The following DPP6 variants were observed in gnomAD, a reference collection of about 807,000 sequenced individuals.
DPP6 encodes the protein A-type potassium channel modulatory protein DPP6.
DPP6 carries 69 observed loss-of-function variants against 122.6 expected under a neutral mutation model. The observed-to-expected ratio is 0.56, with a 90% CI of 0.46 to 0.69. The LOEUF (loss-of-function observed/expected upper bound fraction) is 0.69, where lower values mean the gene tolerates loss of function less well. DPP6 is among the 30% of genes least tolerant of loss of function. The probability of loss-of-function intolerance (pLI) is 0.00; values close to 1 mark genes in which losing one functional copy is unlikely to be tolerated. For missense variants in DPP6, 928 were observed against 1,116.9 expected (o/e 0.83, Z 2.41); for synonymous variants, 418 against 433.1 (o/e 0.97, Z 0.43).
chr7:154,615,817 C>T (rs926373920), intron 5 of DPP6, among the ~76,000 whole-genome samples: 2 of 152,186 alleles, frequency 1.3e-5, no homozygotes, highest in Non-Finnish European at 2.9e-5. Flanking sequence ...GTGTAACCAT[C>T]ACCACTATCT....
chr7:154,835,588 G>A (rs1333718398), intron 16 of DPP6, among the ~76,000 whole-genome samples: 1 of 152,112 alleles, frequency 6.6e-6, no homozygotes, highest in Non-Finnish European at 1.5e-5. Flanking sequence ...AAGTGTTTTG[G>A]TGGCTGGATT....
chr7:154,880,741 T>A (rs1805321166), intron 20 of DPP6, 147 bp from the exon 21 acceptor site: 1 of 1,381,482 alleles, frequency 7.2e-7, no homozygotes, highest in Non-Finnish European at 9.9e-7. Flanking sequence ...AAGCAATAAA[T>A]AATTATATTG....
chr7:154,195,996 G>A (rs1798847354), intron 1 of DPP6, among the ~76,000 whole-genome samples: 1 of 152,102 alleles, frequency 6.6e-6, no homozygotes, highest in African/African-American at 2.4e-5. Context: ...AACACCTCAT[G>A]TACTCCTGTT....
At chr7:154,764,889 T>C (rs1027400952) in intron 8 of DPP6, among the ~76,000 whole-genome samples, 7 of 152,174 alleles carry the variant, frequency 4.6e-5, no homozygotes, top group African/African-American at 4.8e-5. Context: ...GCACTTAATA[T>C]AAGCTTGTAG....
At chr7:154,167,184 A>T (rs1237580338) in intron 1 of DPP6, among the ~76,000 whole-genome samples, 1 of 152,110 alleles carries the variant, frequency 6.6e-6, no homozygotes, top group East Asian at 1.9e-4. Context: ...CTGTCAGATG[A>T]TTGACAAATG....
chr7:154,320,976 GA>G (rs1415049461), intron 1 of DPP6, among the ~76,000 whole-genome samples: 1 of 152,030 alleles, frequency 6.6e-6, no homozygotes, highest in East Asian at 1.9e-4. Flanking sequence ...GGATCCAATG[GA>G]AAAAATAAGA....
intron 3 of DPP6, among the ~76,000 whole-genome samples, chr7:154,482,989 C>T (rs768704468): frequency 2.6e-5 from 4 of 151,822 alleles, no homozygotes; most frequent in Non-Finnish European, 4.4e-5. Context: ...TGGAAATGTT[C>T]GTTAGGTATT....
At chr7:154,681,984 A>G (rs1175052273) in intron 7 of DPP6, among the ~76,000 whole-genome samples, 2 of 152,248 alleles carry the variant, frequency 1.3e-5, no homozygotes, top group African/African-American at 4.8e-5. Flanking sequence ...AGCATTGTGC[A>G]GAGTGTAGGT....
At chr7:154,609,216 A>G (rs1233345918) in intron 5 of DPP6, among the ~76,000 whole-genome samples, 1 of 152,204 alleles carries the variant, frequency 6.6e-6, no homozygotes, top group African/African-American at 2.4e-5. Context: ...ATGTGTACGT[A>G]ATAGGAGGGT....
intron 1 of DPP6, among the ~76,000 whole-genome samples, chr7:154,338,866 C>T (rs557003298): frequency 6.6e-6 from 1 of 152,194 alleles, no homozygotes; most frequent in Non-Finnish European, 1.5e-5. Context: ...TTGGAACCCC[C>T]CTGCATGGCG....
intron 1 of DPP6, among the ~76,000 whole-genome samples, chr7:154,182,522 G>A (rs1207707204): frequency 2.0e-5 from 3 of 152,100 alleles, no homozygotes; most frequent in Non-Finnish European, 4.4e-5. Flanking sequence ...GTTCCTTCTG[G>A]CCATAGCAAC....
At position 154,507,638 on chromosome 7, in the gene DPP6, A is replaced by C. The variant is rs182235853; in HGVS notation, c.457+32601A>C. Among the ~76,000 whole-genome samples the C allele has an allele frequency of 1.8e-4, 28 of 152,280 alleles. No individual in the cohort carries two copies. In the East Asian group the frequency reaches 5.4e-3, roughly 29 times the overall value. ...GTGAACATAAGTCAGTTATGTGAGGAAGCAGCAGGCAAGAGCAGGACTGGA... is the reference window on the plus strand; with the variant it reads ...GTGAACATAAGTCAGTTATGTGAGGCAGCAGCAGGCAAGAGCAGGACTGGA... On this transcript the variant is annotated intron_variant, in intron 3 of 25. Coordinates refer to ENST00000377770, the MANE Select transcript of DPP6 (RefSeq NM_130797.4).
intron 1 of DPP6, among the ~76,000 whole-genome samples, chr7:154,164,294 G>T (rs1014295651): frequency 3.7e-5 from 5 of 134,920 alleles, no homozygotes; most frequent in African/African-American, 1.4e-4. Flanking sequence ...CCTTCCTCCA[G>T]GAATTAAGAC....
At chr7:154,232,576 G>A (rs1800979905) in intron 1 of DPP6, among the ~76,000 whole-genome samples, 1 of 152,202 alleles carries the variant, frequency 6.6e-6, no homozygotes, top group Non-Finnish European at 1.5e-5. Flanking sequence ...GGCTGTGTAT[G>A]GAGAACCAAT....
chr7:153,931,226 T>C (rs1043791914), intron 1 of DPP6, among the ~76,000 whole-genome samples: 1 of 152,094 alleles, frequency 6.6e-6, no homozygotes, highest in Non-Finnish European at 1.5e-5. Context: ...TGGATAAGAG[T>C]CAGGCTAGAA....
intron 7 of DPP6, among the ~76,000 whole-genome samples, chr7:154,704,488 G>A (rs771521668): frequency 2.0e-4 from 31 of 152,156 alleles, no homozygotes; most frequent in Admixed American, 9.2e-4. Context: ...ATAGGATTGG[G>A]TGCTACAGGA....
chr7:154,545,276 A>T lies in DPP6; in HGVS notation c.552+4650A>T, dbSNP rs112461429. On this transcript the variant is annotated intron_variant, in intron 4 of 25. Coordinates refer to ENST00000377770, the MANE Select transcript of DPP6 (RefSeq NM_130797.4). ...TCAAATGGCCTTTGTTCTATTATGT[A>T]TCTTGTTTTTTTTTCCTAAAAAATG... Among the ~76,000 whole-genome samples, 1,469 of 152,230 alleles carry T rather than the reference A, an allele frequency of 9.6e-3. 9 individuals carry two copies. The highest frequency in any genetic ancestry group is 0.051 in the Middle Eastern group (15 of 294).
chr7:154,268,533 C>T (rs1025600990), intron 1 of DPP6, among the ~76,000 whole-genome samples: 2 of 152,194 alleles, frequency 1.3e-5, no homozygotes, highest in Non-Finnish European at 2.9e-5. Flanking sequence ...CTTCCGGAGG[C>T]CTTGCCTCCT....
chr7:154,326,201 G>A (rs1456353708), intron 1 of DPP6, among the ~76,000 whole-genome samples: 5 of 152,134 alleles, frequency 3.3e-5, no homozygotes, highest in Non-Finnish European at 7.3e-5. Flanking sequence ...ATGTCCAAAT[G>A]ACCAGCACAG....
Sources: allele counts gnomAD v4.1 joint callset (sites outside exome capture counted in the v4.1 genomes callset), GRCh38; gene constraint gnomAD v4.1.1; transcripts MANE v1.5; gene names NCBI Gene and HGNC (gene_info 2026-07-23, HGNC 2026-07-21).